Variants in OSMR observed in about 807,000 individuals in gnomAD.
OSMR encodes oncostatin M receptor, also known as oncostatin-M-specific receptor subunit beta.
OSMR carries 81 observed loss-of-function variants against 99.9 expected under a neutral mutation model. That is an observed-to-expected ratio of 0.81 (90% CI 0.68 to 0.97). The LOEUF (loss-of-function observed/expected upper bound fraction) is 0.97. OSMR is among the 50% of genes least tolerant of loss of function. The pLI, the probability that OSMR is intolerant of heterozygous loss-of-function variation, is 0.00. For missense variants in OSMR, 1,099 were observed against 1,153.4 expected, an observed-to-expected ratio of 0.95 and a Z score of 0.68; for synonymous variants, 406 against 410.4, an observed-to-expected ratio of 0.99 and a Z score of 0.13.
chr5:38,890,064 A>G (rs1039642718), intron 7 of OSMR, among the ~76,000 whole-genome samples: 8 of 152,256 alleles, frequency 5.3e-5, no homozygotes, highest in Non-Finnish European at 1.0e-4. Context: ...ATTTTCTAAA[A>G]TGAAATTTTA....
chr5:38,921,899 A>G (rs1004909414), intron 12 of OSMR, 105 bp downstream of exon 12: 3 of 964,936 alleles, frequency 3.1e-6, no homozygotes, highest in African/African-American at 3.2e-5. Flanking sequence ...TAAGCTAGTA[A>G]TTTTGAAACG....
intron 1 of OSMR, among the ~76,000 whole-genome samples, chr5:38,861,576 C>T (rs1006183698): frequency 2.0e-5 from 3 of 152,390 alleles, no homozygotes; most frequent in Admixed American, 1.3e-4. Context: ...CCTTTCCCCC[C>T]TCTCTATTCC....
At chr5:38,881,451 T>C (rs1743272581) in intron 3 of OSMR, 142 bp from the exon 4 acceptor site, 6 of 1,551,070 alleles carry the variant, frequency 3.9e-6, no homozygotes, top group Non-Finnish European at 5.2e-6. Flanking sequence ...CATGGGGAAT[T>C]GACTAGCAGA....
chr5:38,929,966 C>A (rs928208333), intron 15 of OSMR, among the ~76,000 whole-genome samples: 4 of 152,206 alleles, frequency 2.6e-5, no homozygotes, highest in Admixed American at 2.6e-4. Flanking sequence ...ATTAACTATT[C>A]TCCTGTCTCC....
intron 2 of OSMR, among the ~76,000 whole-genome samples, chr5:38,870,916 G>A (rs1742336912): frequency 1.3e-5 from 2 of 152,170 alleles, no homozygotes; most frequent in South Asian, 4.1e-4. Flanking sequence ...TCTCAAGGCA[G>A]TCTCCTGGTG....
At chr5:38,875,283 A>G (rs2112302562) in intron 2 of OSMR, among the ~76,000 whole-genome samples, 1 of 152,350 alleles carries the variant, frequency 6.6e-6, no homozygotes, top group African/African-American at 2.4e-5. Flanking sequence ...TACAATCTAT[A>G]TGGTGTTTTC....
chr5:38,891,655 A>G (rs1440182392), intron 7 of OSMR, among the ~76,000 whole-genome samples: 6 of 152,172 alleles, frequency 3.9e-5, no homozygotes, highest in Admixed American at 6.5e-5. Context: ...CCCCTGCCCC[A>G]GGCCTCTGGA....
At chr5:38,893,380 A>G (rs139319167) in intron 7 of OSMR, among the ~76,000 whole-genome samples, 2 of 152,246 alleles carry the variant, frequency 1.3e-5, no homozygotes, top group Non-Finnish European at 2.9e-5. Flanking sequence ...TAAGGCATCA[A>G]TTGTAAGGAG....
Position 38,876,265 on chromosome 5 carries a change from G to C in OSMR, c.138G>C (p.Gln46His), listed in dbSNP as rs765579062. ...AAGTTTCCACCAATTCTACGCGTCA[G>C]AGTTTGCACTTACAATGGACTGTCC... is the stretch of plus-strand genomic sequence containing the variant. The part of the protein sequence containing the change: ...SLKVSTNSTR[Q>H]SLHLQWTVHN... The change falls in exon 3 of 18, where the codon CAG becomes CAC. Residue 46 changes from glutamine to histidine, a missense_variant. Physicochemically the swap from Gln to His is conservative, Grantham distance 24 (BLOSUM62 0). Coordinates refer to ENST00000274276, the MANE Select transcript of OSMR (RefSeq NM_003999.3). 5 of 1,613,772 alleles carry C rather than the reference G, an allele frequency of 3.1e-6. No individual in the cohort carries two copies. Among genetic ancestry groups the C allele is most frequent in the Admixed American group, 1.7e-5 (1 of 60,004 alleles).
chr5:38,933,215 C>G lies in OSMR; in HGVS notation c.2711C>G (p.Ser904Cys), dbSNP rs1746860200. Residue 904 changes from serine (S) to cysteine (C), a missense_variant, in exon 18 of 18, where the codon TCC becomes TGC. Physicochemically the swap from Ser to Cys is moderately radical, Grantham distance 112. Transcript: ENST00000274276. ...GCACTAGAAAAAAACTACATGAACT[C>G]CCTGGGAGAAATCCCAGCTGGAGAA... Reference protein sequence around the residue: ...LKALEKNYMNSLGEIPAGETS... With the variant: ...LKALEKNYMNCLGEIPAGETS... The G allele has an allele frequency of 2.5e-6, 4 of 1,614,176 alleles. No individual in the cohort carries two copies. Among genetic ancestry groups the G allele is most frequent in the Non-Finnish European group, 3.4e-6 (4 of 1,180,024 alleles).
At chr5:38,884,201 A>G (rs1374918892) in intron 5 of OSMR, 90 bp downstream of exon 5, 1 of 1,056,892 alleles carries the variant, frequency 9.5e-7, no homozygotes, top group African/African-American at 1.6e-5. Context: ...AAACATTTCT[A>G]CCCATGATCT....
intron 1 of OSMR, among the ~76,000 whole-genome samples, chr5:38,850,462 T>C (rs1740267955): frequency 6.6e-6 from 1 of 152,220 alleles, no homozygotes; most frequent in African/African-American, 2.4e-5. Context: ...CTAAATAGAA[T>C]ACCTAGCTCT....
chr5:38,932,553 G>T lies in OSMR; in HGVS notation c.2367+18G>T. 7 of 1,603,248 alleles carry T rather than the reference G, an allele frequency of 4.4e-6. No individual in the cohort carries two copies. Among genetic ancestry groups the T allele is most frequent in the Non-Finnish European group, 6.0e-6 (7 of 1,170,268 alleles). On this transcript the variant is annotated intron_variant, in intron 17 of 17. Coordinates refer to ENST00000274276, the MANE Select transcript of OSMR (RefSeq NM_003999.3). ...AATTCAAGGTAAATGTTGGCAAATT[G>T]TATGTATACCATATACCTATTAAGG...
At chr5:38,937,947 A>G (rs1747147116), downstream of OSMR, 1 of 183,596 alleles carries the variant, frequency 5.4e-6, no homozygotes, top group African/African-American at 2.4e-5. The surrounding 1 kb of genome is among the most constrained non-coding windows in gnomAD (Gnocchi z 4.0). Context: ...CATTTTATTA[A>G]CAATGTATCC....
downstream of OSMR, chr5:38,945,472 G>T: frequency 6.6e-7 from 1 of 1,519,136 alleles, no homozygotes; most frequent in Non-Finnish European, 9.1e-7. Flanking sequence ...TTTTCTGAAG[G>T]TGGGACGTGA....
At chr5:38,857,948 G>T (rs1021454481) in intron 1 of OSMR, among the ~76,000 whole-genome samples, 29 of 152,184 alleles carry the variant, frequency 1.9e-4, no homozygotes, top group African/African-American at 5.3e-4. Flanking sequence ...GATTACAGGC[G>T]TGAGCCACCA....
At chr5:38,943,172 A>C in intron 1 of OSMR, 3 of 449,900 alleles carry the variant, frequency 6.7e-6, no homozygotes, top group Non-Finnish European at 1.2e-5. Context: ...TTTTTTAAAA[A>C]AAATGATTAT....
intron 6 of OSMR, 111 bp downstream of exon 6, chr5:38,885,595 C>T: frequency 7.2e-7 from 1 of 1,382,554 alleles, no homozygotes; most frequent in East Asian, 2.3e-5. Flanking sequence ...ACAAATATTT[C>T]AGAACCACCT....
intron 11 of OSMR, chr5:38,919,638 A>G (rs893735869): frequency 3.5e-6 from 1 of 286,318 alleles, no homozygotes; most frequent in African/African-American, 2.2e-5. Flanking sequence ...CTTCTTAGCC[A>G]TAAAAAGAGT....
Sources: allele counts gnomAD v4.1 joint callset (sites outside exome capture counted in the v4.1 genomes callset), GRCh38; gene constraint gnomAD v4.1.1; non-coding constraint Gnocchi (gnomAD v3.1); transcripts MANE v1.5; gene names NCBI Gene and HGNC (gene_info 2026-07-23, HGNC 2026-07-21).